The following CNTLN variants were observed in gnomAD, a reference collection of about 807,000 sequenced individuals.
CNTLN encodes the protein centlein, centrosomal protein.
In CNTLN, 212 loss-of-function variants were observed where a neutral mutation model predicts 180.0. That is an observed-to-expected ratio of 1.18 (90% CI 1.05 to 1.32). The LOEUF (loss-of-function observed/expected upper bound fraction) is 1.32. Among genes scored for constraint, CNTLN ranks in the 40% most tolerant of loss-of-function variants. The pLI, the probability that CNTLN is intolerant of heterozygous loss-of-function variation, is 0.00. For synonymous variants in CNTLN, 722 were observed against 563.1 expected (o/e 1.28, Z -3.99); for missense variants, 2,095 against 1,610.9 (o/e 1.30, Z -5.14).
intron 10 of CNTLN, 70 bp from the exon 11 acceptor site, chr9:17,340,757 C>A (rs1821414397): frequency 2.3e-6 from 3 of 1,310,780 alleles, no homozygotes; most frequent in Admixed American, 2.6e-5. Context: ...AGATGGGTAA[C>A]CTTTTATTTG....
chr9:17,294,891 G>T (rs1166117919), intron 6 of CNTLN, among the ~76,000 whole-genome samples: 1 of 84,446 alleles, frequency 1.2e-5, no homozygotes, highest in African/African-American at 4.4e-5. Flanking sequence ...GGAGGGGGGA[G>T]TGGGGAGTGG....
chr9:17,452,263 A>T (rs570192889), intron 18 of CNTLN, among the ~76,000 whole-genome samples: 1 of 152,306 alleles, frequency 6.6e-6, no homozygotes, highest in Admixed American at 6.5e-5. Flanking sequence ...ATTCCTAAAC[A>T]TTAAAATGTT....
intron 16 of CNTLN, 113 bp from the exon 17 acceptor site, chr9:17,415,675 A>T (rs1828165688): frequency 2.6e-6 from 2 of 766,650 alleles, no homozygotes; most frequent in Non-Finnish European, 4.3e-6. Context: ...CAGACTTAAA[A>T]AAAATTCTGC....
In CNTLN at chr9:17,260,404, C is replaced by T. The variant is rs201718220; in HGVS notation, c.850-13329C>T. 3.0e-4 allele frequency among the ~76,000 whole-genome samples: 46 copies of T among 150,896 alleles called. 2 individuals carry two copies. Among genetic ancestry groups the T allele is most frequent in the African/African-American group, 1.0e-3 (42 of 40,668 alleles). On this transcript the variant is annotated intron_variant, in intron 5 of 25. Transcript: ENST00000380647. ...GAGAGCTTTACTTCCAAATATGTGGCCAATTTTGGAATAGGTGTGGTGTGG... is the reference window on the plus strand; with the variant it reads ...GAGAGCTTTACTTCCAAATATGTGGTCAATTTTGGAATAGGTGTGGTGTGG...
At chr9:17,373,973 A>G (rs748494933) in intron 13 of CNTLN, among the ~76,000 whole-genome samples, 17 of 152,218 alleles carry the variant, frequency 1.1e-4, no homozygotes, top group Non-Finnish European at 2.1e-4. Flanking sequence ...AACACAATGG[A>G]TTAAACACTT....
chr9:17,415,577 AT>A (rs1367666222), intron 16 of CNTLN, among the ~76,000 whole-genome samples: 2 of 151,684 alleles, frequency 1.3e-5, no homozygotes, highest in Non-Finnish European at 2.9e-5. Flanking sequence ...ATTTTTTTCA[AT>A]TTTTTTTGTA....
intron 18 of CNTLN, among the ~76,000 whole-genome samples, chr9:17,451,685 G>A (rs1318281275): frequency 6.6e-6 from 1 of 152,176 alleles, no homozygotes; most frequent in Non-Finnish European, 1.5e-5. Context: ...GCCACCAGCT[G>A]TTTCCTCCAT....
At chr9:17,179,885 C>T (rs114941103) in intron 2 of CNTLN, among the ~76,000 whole-genome samples, 292 of 152,138 alleles carry the variant, frequency 1.9e-3, no homozygotes, top group Non-Finnish European at 3.4e-3. Context: ...AGGATCACTA[C>T]GTCTTCTTGG....
At chr9:17,429,396 G>T (rs1829279674) in intron 18 of CNTLN, among the ~76,000 whole-genome samples, 1 of 151,984 alleles carries the variant, frequency 6.6e-6, no homozygotes, top group Non-Finnish European at 1.5e-5. Flanking sequence ...TGTAATTGTT[G>T]CTTAAAGTAC....
chr9:17,296,954 T>G (rs1354333999), intron 6 of CNTLN, among the ~76,000 whole-genome samples: 1 of 152,226 alleles, frequency 6.6e-6, no homozygotes, highest in Non-Finnish European at 1.5e-5. Flanking sequence ...TTAAGACATT[T>G]TATGTGAATG....
intron 8 of CNTLN, among the ~76,000 whole-genome samples, chr9:17,312,177 G>A (rs374260957): frequency 2.6e-5 from 4 of 151,336 alleles, no homozygotes; most frequent in African/African-American, 4.9e-5. Flanking sequence ...ATAAGCATTC[G>A]TTTAGAAATG....
intron 19 of CNTLN, among the ~76,000 whole-genome samples, chr9:17,461,490 A>G (rs1831446128): frequency 6.6e-6 from 1 of 151,704 alleles, no homozygotes; most frequent in African/African-American, 2.4e-5. Flanking sequence ...TGGGTTTTTA[A>G]GAAAAATTAA....
In CNTLN at chr9:17,366,888, C is replaced by T. The variant is rs181781484; in HGVS notation, c.1987+171C>T. 2.9e-3 allele frequency among the ~76,000 whole-genome samples: 435 copies of T among 152,126 alleles called. 4 individuals are homozygous for T. The highest frequency in any genetic ancestry group is 1.0e-2 in the African/African-American group (415 of 41,512). ...TCCTGAGAAAATTAAATAAATAGAA[C>T]ATCTAAAAGTCAGCTTTGTAATTTA... On this transcript the variant is annotated intron_variant, in intron 13 of 25. Coordinates refer to ENST00000380647, the MANE Select transcript of CNTLN (RefSeq NM_017738.4).
intron 15 of CNTLN, among the ~76,000 whole-genome samples, chr9:17,407,056 A>G (rs904138164): frequency 2.6e-5 from 4 of 152,254 alleles, no homozygotes; most frequent in African/African-American, 7.2e-5. Flanking sequence ...AGTAGAACAC[A>G]TAAGCAAATA....
chr9:17,390,263 A>G (rs1826006047), intron 14 of CNTLN, among the ~76,000 whole-genome samples: 1 of 85,770 alleles, frequency 1.2e-5, no homozygotes, highest in Non-Finnish European at 2.2e-5. Context: ...TTTTGGAGAC[A>G]GAGTCTTGCT....
At chr9:17,517,753 G>C in the CNTLN span, among the ~76,000 whole-genome samples, 1 of 152,266 alleles carries the variant, frequency 6.6e-6, no homozygotes, top group Admixed American at 6.5e-5. Flanking sequence ...CCAGCCTCTA[G>C]AAGTGTGAAG....
intron 5 of CNTLN, among the ~76,000 whole-genome samples, chr9:17,260,442 T>G (rs11543981): frequency 0.17 from 25,462 of 151,246 alleles, 2,733 homozygotes; most frequent in South Asian, 0.28. Context: ...CTGAAAAAAA[T>G]GTATATTCTG....
chr9:17,254,476 T>C (rs1235332916), intron 5 of CNTLN, among the ~76,000 whole-genome samples: 5 of 151,376 alleles, frequency 3.3e-5, no homozygotes, highest in Admixed American at 6.6e-5. Context: ...TTTTTTTCTT[T>C]TGTGTGTATG....
intron 2 of CNTLN, among the ~76,000 whole-genome samples, chr9:17,161,529 G>C (rs10511633): frequency 6.6e-6 from 1 of 152,014 alleles, no homozygotes; most frequent in Admixed American, 6.6e-5. Context: ...GGAGCCATAA[G>C]AGCTTGAATT....
Sources: gnomAD v4.1 joint callset for allele counts (sites outside exome capture counted in the v4.1 genomes callset) on GRCh38, gnomAD v4.1.1 for gene constraint, MANE v1.5 for transcripts, NCBI Gene and HGNC (gene_info 2026-07-23, HGNC 2026-07-21) for gene names.